RIMS2: variants seen among roughly 807,000 people sequenced by gnomAD.
The protein encoded by RIMS2 is regulating synaptic membrane exocytosis 2.
A neutral mutation model predicts 174.4 loss-of-function variants in RIMS2; 59 were observed. That is an observed-to-expected ratio of 0.34 (90% CI 0.27 to 0.42). The LOEUF (loss-of-function observed/expected upper bound fraction) is 0.42. Among genes scored for constraint, RIMS2 ranks in the 10% least tolerant of loss-of-function variants. The pLI is 1.00. For missense variants in RIMS2, 1,620 were observed against 1,666.3 expected (o/e 0.97, Z 0.48); for synonymous variants, 606 against 572.5 (o/e 1.06, Z -0.84).
intron 19 of RIMS2, among the ~76,000 whole-genome samples, chr8:104,080,441 C>G (rs1406009554): frequency 6.6e-6 from 1 of 151,964 alleles, no homozygotes; most frequent in Non-Finnish European, 1.5e-5. Context: ...GTGTAAGGCT[C>G]TCTACTAGAC....
chr8:103,790,427 A>G (rs888590898), intron 3 of RIMS2, among the ~76,000 whole-genome samples: 5 of 152,234 alleles, frequency 3.3e-5, no homozygotes, highest in Non-Finnish European at 7.3e-5. Context: ...TATAGCATGA[A>G]TCAATAATTC....
intron 19 of RIMS2, among the ~76,000 whole-genome samples, chr8:104,022,372 A>G (rs920092549): frequency 1.3e-5 from 2 of 148,632 alleles, no homozygotes; most frequent in African/African-American, 5.0e-5. Flanking sequence ...CAACTGTGTC[A>G]GATTTCTCTC....
intron 19 of RIMS2, among the ~76,000 whole-genome samples, chr8:104,064,730 C>T (rs550511072): frequency 2.2e-4 from 33 of 152,018 alleles, no homozygotes; most frequent in African/African-American, 7.9e-4. Flanking sequence ...TAGTTTAATA[C>T]ATTATACATT....
chr8:103,875,936 T>A (rs1398601199), intron 3 of RIMS2, among the ~76,000 whole-genome samples: 1 of 151,976 alleles, frequency 6.6e-6, no homozygotes, highest in Non-Finnish European at 1.5e-5. Flanking sequence ...TCATGTTGTT[T>A]GTCTACTTTT....
intron 15 of RIMS2, among the ~76,000 whole-genome samples, chr8:103,972,182 T>C (rs904934672): frequency 6.6e-6 from 1 of 152,200 alleles, no homozygotes; most frequent in Non-Finnish European, 1.5e-5. Context: ...CACTTGGAAA[T>C]GTAGTAGGTA....
chr8:103,667,903 GT>G (rs1418931999), intron 1 of RIMS2, among the ~76,000 whole-genome samples: 4 of 152,188 alleles, frequency 2.6e-5, no homozygotes, highest in Admixed American at 1.3e-4. Context: ...CAGTCCCACA[GT>G]TTTGTTGCAG....
At chr8:104,050,855 A>C (rs184678028) in intron 19 of RIMS2, among the ~76,000 whole-genome samples, 1 of 152,338 alleles carries the variant, frequency 6.6e-6, no homozygotes, top group East Asian at 1.9e-4. Flanking sequence ...ATTAGAACAT[A>C]GTGAATTTAT....
At chr8:103,812,398 T>A (rs1452193114) in intron 3 of RIMS2, among the ~76,000 whole-genome samples, 3 of 145,682 alleles carry the variant, frequency 2.1e-5, no homozygotes, top group African/African-American at 7.4e-5. Flanking sequence ...CCCCCAGGCT[T>A]GAGTGCAATG....
intron 19 of RIMS2, among the ~76,000 whole-genome samples, chr8:104,080,204 T>C (rs1187825013): frequency 6.6e-6 from 1 of 152,032 alleles, no homozygotes; most frequent in Admixed American, 6.6e-5. Flanking sequence ...TTTTTCTATC[T>C]ACAAATTGAA....
intron 1 of RIMS2, among the ~76,000 whole-genome samples, chr8:103,631,436 G>C (rs1391988664): frequency 2.6e-5 from 4 of 152,184 alleles, no homozygotes; most frequent in Non-Finnish European, 5.9e-5. Context: ...AGATCAGATG[G>C]CTGTAGATGT....
chr8:103,830,636 G>T (rs182206039), intron 3 of RIMS2, among the ~76,000 whole-genome samples: 212 of 150,082 alleles, frequency 1.4e-3, no homozygotes, highest in African/African-American at 5.2e-3. Context: ...GTTTAATAGT[G>T]TTGTTCAGAT....
rs540440696 is a variant in RIMS2, at chr8:104,212,435, A to T, written c.3335-32481A>T. On this transcript the variant is annotated intron_variant, in intron 19 of 23. Transcript: ENST00000504942. ...AATCCTATGGAAGTCAAGAGAAGATAATAATTTCAGATTAAAGAGTGTTCA... is the reference window on the plus strand; with the variant it reads ...AATCCTATGGAAGTCAAGAGAAGATTATAATTTCAGATTAAAGAGTGTTCA... Among the ~76,000 whole-genome samples the T allele has an allele frequency of 1.1e-4, 17 of 152,308 alleles. No individual in the cohort carries two copies. The South Asian group carries it at 3.5e-3, about 32-fold the overall frequency.
intron 2 of RIMS2, among the ~76,000 whole-genome samples, chr8:103,698,741 G>A (rs984622833): frequency 6.6e-6 from 1 of 152,086 alleles, no homozygotes; most frequent in African/African-American, 2.4e-5. Context: ...AAGTAGCTGG[G>A]ACGACAGACA....
At chr8:103,740,625 G>T (rs923889833) in intron 2 of RIMS2, among the ~76,000 whole-genome samples, 1 of 152,054 alleles carries the variant, frequency 6.6e-6, no homozygotes, top group Admixed American at 6.6e-5. Flanking sequence ...ATTTAATTTC[G>T]AATAACCTGT....
intron 19 of RIMS2, among the ~76,000 whole-genome samples, chr8:104,116,792 A>T (rs911927520): frequency 7.2e-5 from 11 of 152,170 alleles, no homozygotes; most frequent in Non-Finnish European, 1.5e-4. Flanking sequence ...TGTCTTTAAA[A>T]AAACATATTT....
intron 3 of RIMS2, among the ~76,000 whole-genome samples, chr8:103,841,130 G>A (rs1449658662): frequency 6.6e-6 from 1 of 152,094 alleles, no homozygotes; most frequent in Non-Finnish European, 1.5e-5. Context: ...GACTCTCTGA[G>A]CTCATCTAGG....
chr8:103,964,293 T>C (rs913541047), intron 15 of RIMS2, among the ~76,000 whole-genome samples: 3 of 152,188 alleles, frequency 2.0e-5, no homozygotes, highest in African/African-American at 7.2e-5. Context: ...AGAGTTCCTG[T>C]TGAATGAGAG....
intron 19 of RIMS2, chr8:104,223,628 G>A: frequency 6.3e-7 from 1 of 1,582,308 alleles, no homozygotes; most frequent in Admixed American, 1.7e-5. Flanking sequence ...CTTGTACCGC[G>A]GGAAAAGCGG....
intron 3 of RIMS2, among the ~76,000 whole-genome samples, chr8:103,840,240 G>C (rs991087513): frequency 1.3e-5 from 2 of 152,034 alleles, no homozygotes; most frequent in Admixed American, 6.6e-5. Context: ...CTAGAACCTT[G>C]GCAATCATTT....
Sources: gnomAD v4.1 joint callset for allele counts (sites outside exome capture counted in the v4.1 genomes callset) on GRCh38, gnomAD v4.1.1 for gene constraint, MANE v1.5 for transcripts, NCBI Gene and HGNC (gene_info 2026-07-23, HGNC 2026-07-21) for gene names.